The following UBE2H variants were observed in gnomAD, a reference collection of about 807,000 sequenced individuals.
UBE2H encodes the protein ubiquitin-conjugating enzyme E2 H.
A neutral mutation model predicts 29.0 loss-of-function variants in UBE2H; 3 were observed. That is an observed-to-expected ratio of 0.10 (90% confidence interval 0.05 to 0.27). The LOEUF is 0.27. UBE2H is among the 10% of genes least tolerant of loss of function. The probability of loss-of-function intolerance (pLI) is 1.00; values close to 1 mark genes in which losing one functional copy is unlikely to be tolerated. For synonymous variants in UBE2H, 69 were observed against 82.9 expected (o/e 0.83, Z 0.91); for missense variants, 68 against 228.2 (o/e 0.30, Z 4.52).
intron 1 of UBE2H, among the ~76,000 whole-genome samples, chr7:129,921,558 G>C (rs1807162449): frequency 6.6e-6 from 1 of 151,894 alleles, no homozygotes; most frequent in Non-Finnish European, 1.5e-5. Flanking sequence ...AATTAGCCAG[G>C]CATGGTGGCA....
At chr7:129,837,500 GA>G (rs1266605932) in intron 6 of UBE2H, among the ~76,000 whole-genome samples, 1 of 151,582 alleles carries the variant, frequency 6.6e-6, no homozygotes, top group Non-Finnish European at 1.5e-5. Context: ...CAAGAAGTTT[GA>G]AAATGAAAAG....
chr7:129,837,589 G>T (rs1170344074), intron 6 of UBE2H, among the ~76,000 whole-genome samples: 1 of 151,360 alleles, frequency 6.6e-6, no homozygotes, highest in Non-Finnish European at 1.5e-5. Context: ...CTGATGGGGT[G>T]GAGGAGGAAG....
Position 129,952,646 on chromosome 7 carries a change from C to G in UBE2H, c.-91G>C. The G allele has an allele frequency of 6.7e-7, 1 of 1,502,076 alleles. No individual in the cohort carries two copies. The highest frequency in any genetic ancestry group is 9.0e-7 in the Non-Finnish European group (1 of 1,116,118). The allele number at this position is 1,502,076 out of a possible 1,614,324, so 93.0% of individuals were successfully genotyped here. ...GGAGCCCGCGGCCGCGCCGGCTCCT[C>G]GGTGGAGGTGGCAACACCCCCGCGG... On this transcript the variant is annotated 5_prime_UTR_variant, in exon 1 of 7. Coordinates refer to ENST00000355621, the MANE Select transcript of UBE2H (RefSeq NM_003344.4).
intron 1 of UBE2H, among the ~76,000 whole-genome samples, chr7:129,895,756 C>T (rs190003356): frequency 6.6e-6 from 1 of 151,956 alleles, no homozygotes; most frequent in East Asian, 1.9e-4. Context: ...AAAAAATTAG[C>T]CGGGTGCCTG....
intron 1 of UBE2H, among the ~76,000 whole-genome samples, chr7:129,893,850 A>G (rs1806548308): frequency 6.6e-6 from 1 of 152,200 alleles, no homozygotes; most frequent in Non-Finnish European, 1.5e-5. Context: ...CTTAACTCCT[A>G]AAGGGTTAAT....
rs1805257527 is a variant in UBE2H at position 129,832,937 on chromosome 7, AGACC to A, written c.*1996_*1999del. 6.6e-6 allele frequency: 1 copy of A among 152,192 alleles called. No individual in the cohort carries two copies. The highest frequency in any genetic ancestry group is 6.6e-5 in the Admixed American group (1 of 15,266). 9.4% of individuals were successfully genotyped at this position (152,192 alleles called of 1,614,324 possible). On this transcript the variant is annotated 3_prime_UTR_variant, in exon 7 of 7. Transcript: ENST00000355621. Reference sequence around the variant, plus strand: ...AGCAAGTTAGACAGTGCCAGCAGAGAGACCCTCCCTCCCCCAAAGCAATGAGAAG... The same window carrying A: ...AGCAAGTTAGACAGTGCCAGCAGAGACTCCCTCCCCCAAAGCAATGAGAAG...
In UBE2H at chr7:129,845,603, T is replaced by G. The variant is rs115642680; in HGVS notation, c.299-6268A>C. On this transcript the variant is annotated intron_variant, in intron 5 of 6. Coordinates refer to ENST00000355621, the MANE Select transcript of UBE2H (RefSeq NM_003344.4). ...TCTGGAGGGGAACTAAAGGGCCACT[T>G]TGGAGGAGAATGGGTATTAGAGGAT... 6.5e-3 allele frequency among the ~76,000 whole-genome samples: 985 copies of G among 152,294 alleles called. 16 individuals are homozygous for G. The highest frequency in any genetic ancestry group is 0.023 in the African/African-American group (944 of 41,564).
At chr7:129,864,822 G>A (rs1805869916) in intron 3 of UBE2H, among the ~76,000 whole-genome samples, 1 of 151,936 alleles carries the variant, frequency 6.6e-6, no homozygotes, top group African/African-American at 2.4e-5. Flanking sequence ...AAAGTGCTGG[G>A]ATTACAGGAG....
At chr7:129,907,287 A>T (rs1313311110) in intron 1 of UBE2H, among the ~76,000 whole-genome samples, 1 of 152,208 alleles carries the variant, frequency 6.6e-6, no homozygotes, top group Non-Finnish European at 1.5e-5. Flanking sequence ...AACAAGCGGT[A>T]TGACAGCTGT....
At chr7:129,919,202 A>T (rs2116465718) in intron 1 of UBE2H, among the ~76,000 whole-genome samples, 1 of 151,924 alleles carries the variant, frequency 6.6e-6, no homozygotes, top group South Asian at 2.1e-4. Flanking sequence ...CTCTAGTTCA[A>T]AGGAAATATA....
intron 1 of UBE2H, among the ~76,000 whole-genome samples, chr7:129,946,221 T>TTC (rs200382276): frequency 0.067 from 9,907 of 146,956 alleles, 521 homozygotes; most frequent in East Asian, 0.26. Flanking sequence ...CCCGGCTAAT[T>TTC]TTTTTTTTTT....
At chr7:129,919,902 A>G (rs1409989188) in intron 1 of UBE2H, among the ~76,000 whole-genome samples, 1 of 152,234 alleles carries the variant, frequency 6.6e-6, no homozygotes, top group Non-Finnish European at 1.5e-5. Flanking sequence ...AGAAAGCTGG[A>G]TAAATGATGG....
intron 1 of UBE2H, among the ~76,000 whole-genome samples, chr7:129,913,719 G>A (rs922643816): frequency 2.0e-5 from 3 of 152,178 alleles, no homozygotes; most frequent in Admixed American, 2.0e-4. Flanking sequence ...CACAAGGATT[G>A]CTTGAGCCCA....
chr7:129,938,253 T>A (rs112097334), intron 1 of UBE2H, among the ~76,000 whole-genome samples: 2 of 150,404 alleles, frequency 1.3e-5, no homozygotes, highest in African/African-American at 4.9e-5. Flanking sequence ...TCTACAAAAA[T>A]ATACAAAAAT....
At position 129,844,080 on chromosome 7, in the gene UBE2H, C is replaced by T. The variant is rs1345825081; in HGVS notation, c.299-4745G>A. Among the ~76,000 whole-genome samples the T allele has an allele frequency of 2.6e-5, 4 of 152,304 alleles. 1 individual carries two copies. The highest frequency in any genetic ancestry group is 2.6e-4 in the Admixed American group (4 of 15,302). ...TTTGTTCCAAACAAATAAAAGAACC[C>T]TTAATTATTGGTTCTTCCTTCCTGT... On this transcript the variant is annotated intron_variant, in intron 5 of 6. Transcript: ENST00000355621.
chr7:129,894,284 T>C (rs925204907), intron 1 of UBE2H, among the ~76,000 whole-genome samples: 5 of 151,958 alleles, frequency 3.3e-5, no homozygotes, highest in African/African-American at 1.2e-4. Context: ...TGAAACACCA[T>C]CTCTACAAAA....
intron 1 of UBE2H, among the ~76,000 whole-genome samples, chr7:129,895,890 G>GA (rs1001543713): frequency 1.3e-5 from 2 of 151,712 alleles, no homozygotes; most frequent in African/African-American, 2.4e-5. Context: ...AAAAACAACA[G>GA]AAAAAATCCT....
At chr7:129,916,265 A>C (rs1241213340) in intron 1 of UBE2H, among the ~76,000 whole-genome samples, 1 of 152,198 alleles carries the variant, frequency 6.6e-6, no homozygotes, top group African/African-American at 2.4e-5. Flanking sequence ...AGGGGTATCT[A>C]AGAAAAACAG....
At chr7:129,837,844 G>A (rs1383414913) in intron 6 of UBE2H, among the ~76,000 whole-genome samples, 5 of 152,208 alleles carry the variant, frequency 3.3e-5, no homozygotes, top group African/African-American at 9.7e-5. Flanking sequence ...GAACATTTCC[G>A]AAGGCTAGGG....
Sources: allele counts gnomAD v4.1 joint callset (sites outside exome capture counted in the v4.1 genomes callset), GRCh38; gene constraint gnomAD v4.1.1; transcripts MANE v1.5; gene names NCBI Gene and HGNC (gene_info 2026-07-23, HGNC 2026-07-21).